The following DGKB variants were observed in gnomAD, a reference collection of about 807,000 sequenced individuals.
The protein encoded by DGKB is diacylglycerol kinase beta, also known as 90 kDa diacylglycerol kinase.
Under a neutral mutation model 114.3 loss-of-function variants are expected in DGKB, and 67 were observed. The ratio of observed to expected loss-of-function variants is 0.59; its 90% CI spans 0.48 to 0.72. DGKB has a LOEUF of 0.72. Among genes scored for constraint, DGKB ranks in the 30% least tolerant of loss-of-function variants. The pLI is 0.00. For missense variants in DGKB, 907 were observed against 975.2 expected, an observed-to-expected ratio of 0.93 and a Z score of 0.93; for synonymous variants, 398 against 323.1, an observed-to-expected ratio of 1.23 and a Z score of -2.49.
intron 1 of DGKB, among the ~76,000 whole-genome samples, chr7:14,919,095 A>AAACACACACACACACAC (rs1784392701): frequency 1.6e-4 from 18 of 114,966 alleles, no homozygotes; most frequent in African/African-American, 4.7e-4. Flanking sequence ...CACACACACA[A>AAACACACACACACACAC]ACACACACAC....
At chr7:14,910,911 G>A (rs1411047746) in intron 1 of DGKB, among the ~76,000 whole-genome samples, 1 of 151,814 alleles carries the variant, frequency 6.6e-6, no homozygotes, top group East Asian at 1.9e-4. Context: ...ATGACCTGGG[G>A]GTGATAATTT....
chr7:14,852,486 T>TCAAAAAAAAAAAAAACAAAAA lies in DGKB; in HGVS notation c.-187-11037_-187-11036insTTTTTGTTTTTTTTTTTTTTG, dbSNP rs948693044. Among the ~76,000 whole-genome samples the TCAAAAAAAAAAAAAACAAAAA allele has an allele frequency of 5.1e-4, 4 of 7,784 alleles. No homozygotes were observed. The East Asian group carries it at 0.011, about 22-fold the overall frequency. The allele number at this position is 7,784 out of a possible 152,430, so 5.1% of individuals were successfully genotyped here. Reference sequence around the variant, plus strand: ...AGAGGAATAGCTAAAATAGTGAAAGTCAAAAAAAAAACAGAAATCAAGCAT... The same window carrying TCAAAAAAAAAAAAAACAAAAA: ...AGAGGAATAGCTAAAATAGTGAAAGTCAAAAAAAAAAAAAACAAAAACAAAAAAAAAACAGAAATCAAGCAT... On this transcript the variant is annotated intron_variant, in intron 1 of 25. Coordinates refer to ENST00000402815, the MANE Select transcript of DGKB (RefSeq NM_001350709.2).
At chr7:14,739,356 A>C (rs1290215541) in intron 4 of DGKB, among the ~76,000 whole-genome samples, 1 of 152,204 alleles carries the variant, frequency 6.6e-6, no homozygotes, top group Non-Finnish European at 1.5e-5. Context: ...TCACATGTGC[A>C]CTGGAAAAAT....
At chr7:14,558,538 T>C (rs1186162352) in intron 20 of DGKB, among the ~76,000 whole-genome samples, 11 of 152,140 alleles carry the variant, frequency 7.2e-5, no homozygotes, top group Non-Finnish European at 1.5e-5. Context: ...AGATTTCTGC[T>C]TTTTTAAAAA....
intron 13 of DGKB, among the ~76,000 whole-genome samples, chr7:14,646,647 A>G (rs2358024): frequency 1 from 151,815 of 152,096 alleles, 75,767 homozygotes; most frequent in Middle Eastern, 1. Flanking sequence ...GCATCTTCTC[A>G]GAACACAATA....
chr7:14,809,573 T>TA (rs1230263067), intron 2 of DGKB, among the ~76,000 whole-genome samples: 5 of 152,166 alleles, frequency 3.3e-5, no homozygotes, highest in Non-Finnish European at 7.4e-5. Context: ...AGTCCCCTAC[T>TA]AAGTTTTTAT....
In DGKB at chr7:14,418,200, T is replaced by C. The variant is rs1464842231; in HGVS notation, c.1835+59961A>G. The stretch of plus-strand genomic sequence containing the variant: ...ATAAATATAAATATAAAAAATTTTA[T>C]ATTTATAAATGTATATATTATATAT... On this transcript the variant is annotated intron_variant, in intron 21 of 25. Coordinates refer to ENST00000402815, the MANE Select transcript of DGKB (RefSeq NM_001350709.2). Among the ~76,000 whole-genome samples, 7 of 103,720 alleles carry C rather than the reference T, an allele frequency of 6.7e-5. No homozygotes were observed. In the East Asian group the frequency reaches 1.5e-3, roughly 23 times the overall value. The allele number at this position is 103,720 out of a possible 152,430, so 68.0% of individuals were successfully genotyped here.
intron 21 of DGKB, among the ~76,000 whole-genome samples, chr7:14,451,495 T>G (rs1831479003): frequency 6.6e-6 from 1 of 151,844 alleles, no homozygotes; most frequent in Non-Finnish European, 1.5e-5. Flanking sequence ...TGCAGCTTCT[T>G]AGCCTCCACA....
chr7:14,237,236 T>A (rs1792943926), intron 23 of DGKB, among the ~76,000 whole-genome samples: 1 of 152,038 alleles, frequency 6.6e-6, no homozygotes, highest in African/African-American at 2.4e-5. Flanking sequence ...TATGTATAAA[T>A]GTGAAGGTGA....
chr7:14,529,126 C>A (rs1416632381), intron 20 of DGKB, among the ~76,000 whole-genome samples: 1 of 150,562 alleles, frequency 6.6e-6, no homozygotes, highest in Admixed American at 6.7e-5. Flanking sequence ...GATTCTGAAA[C>A]ACACTAAAAA....
At chr7:14,729,270 C>A (rs564888564) in intron 5 of DGKB, among the ~76,000 whole-genome samples, 2 of 146,844 alleles carry the variant, frequency 1.4e-5, no homozygotes, top group Non-Finnish European at 3.0e-5. Context: ...CTACAGGCGC[C>A]TGCCACCACA....
At chr7:14,326,378 G>A (rs7799368) in intron 23 of DGKB, among the ~76,000 whole-genome samples, 134,168 of 152,070 alleles carry the variant, frequency 0.88, 59,488 homozygotes, top group African/African-American at 0.97. Context: ...AGAAAAGTCA[G>A]TACAGTATTA....
intron 25 of DGKB, among the ~76,000 whole-genome samples, chr7:14,153,129 G>A (rs150091865): frequency 8.3e-4 from 126 of 152,182 alleles, no homozygotes; most frequent in African/African-American, 3.0e-3. Context: ...TAAAATCAGA[G>A]GGAAGAGAGA....
intron 1 of DGKB, among the ~76,000 whole-genome samples, chr7:14,862,966 C>T (rs1195472382): frequency 2.0e-5 from 3 of 151,736 alleles, no homozygotes; most frequent in South Asian, 4.2e-4. Flanking sequence ...AAATGCCTTT[C>T]GACAGAACTC....
chr7:14,485,140 A>C (rs892714524), intron 20 of DGKB, among the ~76,000 whole-genome samples: 1 of 145,946 alleles, frequency 6.9e-6, no homozygotes, highest in Non-Finnish European at 1.5e-5. Context: ...ACACACAATC[A>C]GTGGAGATAC....
chr7:14,529,877 C>A (rs1032726496), intron 20 of DGKB, among the ~76,000 whole-genome samples: 2 of 151,658 alleles, frequency 1.3e-5, no homozygotes, highest in Non-Finnish European at 3.0e-5. Flanking sequence ...AGTATGAAAT[C>A]TTCTCAAATA....
intron 20 of DGKB, among the ~76,000 whole-genome samples, chr7:14,561,840 G>A (rs764983258): frequency 6.6e-6 from 1 of 152,170 alleles, no homozygotes; most frequent in Non-Finnish European, 1.5e-5. Context: ...ATCCATTTTC[G>A]GGGGAGAAAT....
intron 1 of DGKB, among the ~76,000 whole-genome samples, chr7:14,866,168 T>C (rs984823756): frequency 3.3e-5 from 5 of 152,162 alleles, no homozygotes; most frequent in African/African-American, 1.2e-4. Flanking sequence ...ATTTTTCTCA[T>C]ATCCCTGCCC....
intron 1 of DGKB, among the ~76,000 whole-genome samples, chr7:14,940,592 G>A (rs1785521310): frequency 6.6e-6 from 1 of 152,048 alleles, no homozygotes; most frequent in Non-Finnish European, 1.5e-5. Flanking sequence ...TTGGCCCACA[G>A]GCCATATGCA....
Sources: allele counts gnomAD v4.1 joint callset (sites outside exome capture counted in the v4.1 genomes callset), GRCh38; gene constraint gnomAD v4.1.1; transcripts MANE v1.5; gene names NCBI Gene and HGNC (gene_info 2026-07-23, HGNC 2026-07-21).